SH3GL2: variants seen among roughly 807,000 people sequenced by gnomAD.
SH3GL2 encodes the protein SH3 domain containing GRB2 like 2, endophilin A1.
In SH3GL2, 24 loss-of-function variants were observed where a neutral mutation model predicts 46.0. The ratio of observed to expected loss-of-function variants is 0.52; its 90% CI spans 0.38 to 0.73. The LOEUF is 0.73. Among genes scored for constraint, SH3GL2 ranks in the 30% least tolerant of loss-of-function variants. The probability of loss-of-function intolerance (pLI) is 0.00; values close to 1 mark genes in which losing one functional copy is unlikely to be tolerated. For missense variants in SH3GL2, 413 were observed against 424.2 expected (o/e 0.97, Z 0.23); for synonymous variants, 196 against 147.1 (o/e 1.33, Z -2.40).
At chr9:17,669,160 A>G (rs917459763) in intron 1 of SH3GL2, among the ~76,000 whole-genome samples, 1 of 152,076 alleles carries the variant, frequency 6.6e-6, no homozygotes, top group African/African-American at 2.4e-5. Context: ...TAATACAGAG[A>G]TTTTCTGTAG....
intron 1 of SH3GL2, among the ~76,000 whole-genome samples, chr9:17,703,697 A>G (rs1227668936): frequency 6.6e-6 from 1 of 152,120 alleles, no homozygotes; most frequent in Non-Finnish European, 1.5e-5. Flanking sequence ...AACTAAAGAC[A>G]AAAACCACAT....
intron 1 of SH3GL2, among the ~76,000 whole-genome samples, chr9:17,675,248 C>T (rs1397686812): frequency 6.6e-6 from 1 of 152,102 alleles, no homozygotes; most frequent in African/African-American, 2.4e-5. Context: ...TCTCTCATAG[C>T]ACATACCAGA....
intron 1 of SH3GL2, among the ~76,000 whole-genome samples, chr9:17,678,515 T>C (rs982751173): frequency 6.6e-6 from 1 of 152,224 alleles, no homozygotes; most frequent in African/African-American, 2.4e-5. Context: ...GAGTTCATTG[T>C]AGATTGTGGA....
At chr9:17,595,992 T>G (rs537629899) in intron 1 of SH3GL2, among the ~76,000 whole-genome samples, 4 of 152,318 alleles carry the variant, frequency 2.6e-5, no homozygotes, top group South Asian at 4.1e-4. Flanking sequence ...ATTTGATCTA[T>G]TACAAAATTT....
At chr9:17,755,779 C>T in intron 2 of SH3GL2, 2 of 985,074 alleles carry the variant, frequency 2.0e-6, no homozygotes, top group Non-Finnish European at 2.4e-6. Context: ...CCACGCTGTT[C>T]ACGAGTCCTT....
At chr9:17,619,741 G>C (rs1819094362) in intron 1 of SH3GL2, among the ~76,000 whole-genome samples, 1 of 152,044 alleles carries the variant, frequency 6.6e-6, no homozygotes, top group Non-Finnish European at 1.5e-5. Flanking sequence ...TTTTGTTGTT[G>C]GGCATTTAGG....
intron 3 of SH3GL2, among the ~76,000 whole-genome samples, chr9:17,766,721 G>T (rs1203171576): frequency 1.3e-5 from 2 of 151,650 alleles, no homozygotes; most frequent in African/African-American, 4.9e-5. Context: ...TATACTTACA[G>T]CACATTTCAA....
At chr9:17,653,514 C>T (rs922893756) in intron 1 of SH3GL2, among the ~76,000 whole-genome samples, 1 of 152,102 alleles carries the variant, frequency 6.6e-6, no homozygotes, top group Non-Finnish European at 1.5e-5. Flanking sequence ...ATTGATGGTG[C>T]TTCTGCTCCT....
chr9:17,715,470 T>C (rs1375576521), intron 1 of SH3GL2, among the ~76,000 whole-genome samples: 1 of 151,950 alleles, frequency 6.6e-6, no homozygotes, highest in South Asian at 2.1e-4. Context: ...TCACTCGATA[T>C]TGTCCTATAT....
At chr9:17,623,009 T>C (rs7021974) in intron 1 of SH3GL2, among the ~76,000 whole-genome samples, 7 of 88,202 alleles carry the variant, frequency 7.9e-5, no homozygotes, top group Admixed American at 2.2e-4. Context: ...TCCTTTCCTT[T>C]CCTTTCCTTT....
At chr9:17,753,052 G>A (rs1822892673) in intron 2 of SH3GL2, among the ~76,000 whole-genome samples, 1 of 152,108 alleles carries the variant, frequency 6.6e-6, no homozygotes, top group South Asian at 2.1e-4. Flanking sequence ...TCTCTTTTAT[G>A]GCTGCATAGT....
intron 1 of SH3GL2, among the ~76,000 whole-genome samples, chr9:17,720,642 G>T (rs1198401613): frequency 6.6e-6 from 1 of 151,098 alleles, no homozygotes; most frequent in Non-Finnish European, 1.5e-5. Flanking sequence ...AAACCTTTAG[G>T]CTGAACCTAA....
At chr9:17,634,636 C>T in intron 1 of SH3GL2, among the ~76,000 whole-genome samples, 1 of 152,158 alleles carries the variant, frequency 6.6e-6, no homozygotes, top group Non-Finnish European at 1.5e-5. Context: ...GCTTAAAAAC[C>T]AAGGTTAGTT....
chr9:17,626,593 T>A (rs1819286443), intron 1 of SH3GL2, among the ~76,000 whole-genome samples: 1 of 152,198 alleles, frequency 6.6e-6, no homozygotes, highest in Non-Finnish European at 1.5e-5. Flanking sequence ...ACATATCAGG[T>A]AACCTTTACC....
chr9:17,762,760 A>G (rs1157397321), intron 3 of SH3GL2, among the ~76,000 whole-genome samples: 5 of 152,140 alleles, frequency 3.3e-5, no homozygotes, highest in South Asian at 2.1e-4. Context: ...CAGGTTTCTT[A>G]TTTTTACCCA....
At chr9:17,720,572 C>T (rs1309403560) in intron 1 of SH3GL2, among the ~76,000 whole-genome samples, 1 of 151,946 alleles carries the variant, frequency 6.6e-6, no homozygotes, top group East Asian at 1.9e-4. Flanking sequence ...GTGATTGGCC[C>T]AAGAGTTGGT....
chr9:17,603,599 T>G (rs970400745), intron 1 of SH3GL2, among the ~76,000 whole-genome samples: 1 of 152,010 alleles, frequency 6.6e-6, no homozygotes, highest in African/African-American at 2.4e-5. Context: ...GGTGGCTCAC[T>G]CCTGTAATCC....
chr9:17,724,789 G>A (rs1182658613), intron 1 of SH3GL2, among the ~76,000 whole-genome samples: 1 of 152,092 alleles, frequency 6.6e-6, no homozygotes, highest in Non-Finnish European at 1.5e-5. Flanking sequence ...ACTCTGTGTG[G>A]CCCCTGATGT....
chr9:17,733,120 ATGGG>A (rs1335002354), intron 1 of SH3GL2, among the ~76,000 whole-genome samples: 7 of 152,114 alleles, frequency 4.6e-5, no homozygotes, highest in African/African-American at 1.7e-4. Flanking sequence ...TTCTTTTTTG[ATGGG>A]TGGTCAGACC....
Sources: allele counts gnomAD v4.1 joint callset (sites outside exome capture counted in the v4.1 genomes callset), GRCh38; gene constraint gnomAD v4.1.1; transcripts MANE v1.5; gene names NCBI Gene and HGNC (gene_info 2026-07-23, HGNC 2026-07-21).